The following AGBL1 variants were observed in gnomAD, a reference collection of about 807,000 sequenced individuals.
AGBL1 encodes cytosolic carboxypeptidase 4.
AGBL1 carries 130 observed loss-of-function variants against 118.9 expected under a neutral mutation model. The ratio of observed to expected loss-of-function variants is 1.09; its 90% confidence interval spans 0.95 to 1.26. The LOEUF is 1.26. Among genes scored for constraint, AGBL1 ranks in the 50% most tolerant of loss-of-function variants. The probability of loss-of-function intolerance (pLI) is 0.00; values close to 1 mark genes in which losing one functional copy is unlikely to be tolerated. For missense variants in AGBL1, 1,584 were observed against 1,298.1 expected (o/e 1.22, Z -3.38); for synonymous variants, 555 against 478.9 (o/e 1.16, Z -2.08).
chr15:86,145,989 G>C (rs1251830585), intron 3 of AGBL1, among the ~76,000 whole-genome samples: 1 of 152,118 alleles, frequency 6.6e-6, no homozygotes, highest in Non-Finnish European at 1.5e-5. Flanking sequence ...GAGCCAGGTG[G>C]ACTCCAGGAA....
At chr15:86,129,485 A>G (rs755891602) in intron 1 of AGBL1, among the ~76,000 whole-genome samples, 4 of 152,160 alleles carry the variant, frequency 2.6e-5, no homozygotes, top group Non-Finnish European at 4.4e-5. Flanking sequence ...CCTTTGATTT[A>G]TTTCATTATC....
At chr15:86,176,133 T>A (rs1444299) in intron 5 of AGBL1, among the ~76,000 whole-genome samples, 125,138 of 152,164 alleles carry the variant, frequency 0.82, 51,790 homozygotes, top group African/African-American at 0.9. Flanking sequence ...AGTAAGGTCA[T>A]TGGTGGGTAG....
chr15:86,370,842 G>C lies in AGBL1; in HGVS notation c.2375-26524G>C, dbSNP rs146346068. On this transcript the variant is annotated intron_variant, in intron 17 of 22. Transcript: ENST00000614907. ...ATGCCCTGTTCCATGTAAGAGACTTGTGCATAGTAGGTGTGCAGTAAGTGT... is the reference window on the plus strand; with the variant it reads ...ATGCCCTGTTCCATGTAAGAGACTTCTGCATAGTAGGTGTGCAGTAAGTGT... Among the ~76,000 whole-genome samples, 1,290 of 152,282 alleles carry C rather than the reference G, an allele frequency of 8.5e-3. 8 individuals are homozygous for C. The highest frequency in any genetic ancestry group is 0.013 in the Non-Finnish European group (874 of 68,028).
chr15:87,002,858 T>G (rs1363091315), intron 24 of AGBL1, among the ~76,000 whole-genome samples: 1 of 152,190 alleles, frequency 6.6e-6, no homozygotes, highest in Non-Finnish European at 1.5e-5. Context: ...AAGTTGCTTA[T>G]CAGCTTAAGA....
intron 21 of AGBL1, among the ~76,000 whole-genome samples, chr15:86,559,887 C>A (rs2083789838): frequency 6.6e-6 from 1 of 152,106 alleles, no homozygotes; most frequent in South Asian, 2.1e-4. Context: ...AAGCAGGAGA[C>A]CCACCTTCTG....
At chr15:86,945,999 A>C (rs577415167) in intron 23 of AGBL1, among the ~76,000 whole-genome samples, 1 of 152,306 alleles carries the variant, frequency 6.6e-6, no homozygotes, top group South Asian at 2.1e-4. Flanking sequence ...TATAATTCTC[A>C]TTTTACAGTT....
At chr15:86,159,047 C>G (rs2077231445) in intron 5 of AGBL1, 21 bp downstream of exon 5, 1 of 1,602,952 alleles carries the variant, frequency 6.2e-7, no homozygotes, top group Non-Finnish European at 8.5e-7. Context: ...CCATGTAATA[C>G]TTCTGCCCCT....
At chr15:86,853,804 A>C (rs1040607245) in intron 22 of AGBL1, among the ~76,000 whole-genome samples, 1 of 152,186 alleles carries the variant, frequency 6.6e-6, no homozygotes, top group African/African-American at 2.4e-5. Context: ...TAAAAGTCTG[A>C]AAACCTGGGT....
chr15:86,944,074 C>T (rs1338454092), intron 23 of AGBL1, among the ~76,000 whole-genome samples: 1 of 152,078 alleles, frequency 6.6e-6, no homozygotes, highest in Admixed American at 6.6e-5. Context: ...GAGTAAGAGT[C>T]AGGTGAAGAA....
chr15:86,735,269 T>C (rs1020311282), intron 22 of AGBL1, among the ~76,000 whole-genome samples: 1 of 151,972 alleles, frequency 6.6e-6, no homozygotes, highest in Middle Eastern at 3.2e-3. Context: ...TTAGTAGAAA[T>C]GGGGTTTCAC....
At chr15:86,268,020 T>C (rs1222737001) in intron 13 of AGBL1, among the ~76,000 whole-genome samples, 1 of 152,224 alleles carries the variant, frequency 6.6e-6, no homozygotes, top group Non-Finnish European at 1.5e-5. Context: ...TGGGATTTCA[T>C]GAGAGCTAAG....
chr15:86,551,859 A>G (rs1419108631), intron 20 of AGBL1, among the ~76,000 whole-genome samples: 5 of 152,130 alleles, frequency 3.3e-5, no homozygotes, highest in East Asian at 3.9e-4. Flanking sequence ...CCTTAAATGG[A>G]TATTACTAAG....
At chr15:86,793,019 AT>A (rs2078517714) in intron 22 of AGBL1, among the ~76,000 whole-genome samples, 1 of 152,222 alleles carries the variant, frequency 6.6e-6, no homozygotes, top group Non-Finnish European at 1.5e-5. Context: ...GTTAAAAAAA[AT>A]AGTAACCGTA....
intron 15 of AGBL1, among the ~76,000 whole-genome samples, chr15:86,276,352 C>G (rs62013838): frequency 0.034 from 5,104 of 152,242 alleles, 101 homozygotes; most frequent in African/African-American, 0.056. Context: ...ATCCTGTTTA[C>G]TATACTTGTT....
intron 19 of AGBL1, among the ~76,000 whole-genome samples, chr15:86,532,268 G>C (rs576937919): frequency 2.6e-4 from 40 of 151,882 alleles, no homozygotes; most frequent in Non-Finnish European, 5.3e-4. Context: ...AAAGTCTCAG[G>C]ATACAAAATC....
At chr15:86,368,830 CA>C (rs1177871747) in intron 17 of AGBL1, among the ~76,000 whole-genome samples, 18 of 152,100 alleles carry the variant, frequency 1.2e-4, no homozygotes, top group African/African-American at 4.3e-4. Context: ...ATTTGTCTTT[CA>C]AAAGTGTATT....
At chr15:86,776,787 T>A (rs199726194) in intron 22 of AGBL1, among the ~76,000 whole-genome samples, 12,422 of 127,548 alleles carry the variant, frequency 0.097, 658 homozygotes, top group East Asian at 0.16. Flanking sequence ...TGTGTGTGTG[T>A]GTGAGAGAGA....
In AGBL1 at chr15:86,923,187, T is replaced by C. The variant is rs143836899; in HGVS notation, c.3222-64800T>C. Reference sequence around the variant, plus strand: ...CAGATAACTTTGAACACATGATAAATAGGCAGAGTGGGTAAACAGATCTGT... The same window carrying C: ...CAGATAACTTTGAACACATGATAAACAGGCAGAGTGGGTAAACAGATCTGT... On this transcript the variant is annotated intron_variant, in intron 23 of 24. Transcript: ENST00000441037. Among the ~76,000 whole-genome samples the C allele has an allele frequency of 5.9e-5, 9 of 152,304 alleles. 1 individual carries two copies. In the East Asian group the frequency reaches 1.5e-3, roughly 26 times the overall value.
chr15:86,437,960 C>A (rs2142049225), intron 18 of AGBL1, among the ~76,000 whole-genome samples: 1 of 152,210 alleles, frequency 6.6e-6, no homozygotes, highest in African/African-American at 2.4e-5. Flanking sequence ...GGCTGGAGTG[C>A]AATGGTGCAA....
Sources: allele counts gnomAD v4.1 joint callset (sites outside exome capture counted in the v4.1 genomes callset), GRCh38; gene constraint gnomAD v4.1.1; transcripts MANE v1.5; gene names NCBI Gene and HGNC (gene_info 2026-07-23, HGNC 2026-07-21).